The following ADAMTS20 variants were observed in gnomAD, a reference collection of about 807,000 sequenced individuals.
ADAMTS20 encodes ADAM metallopeptidase with thrombospondin type 1 motif 20.
ADAMTS20 carries 225 observed loss-of-function variants against 260.1 expected under a neutral mutation model. The ratio of observed to expected loss-of-function variants is 0.87; its 90% CI spans 0.78 to 0.97. ADAMTS20 has a LOEUF of 0.97. Among genes scored for constraint, ADAMTS20 ranks in the 50% least tolerant of loss-of-function variants. The pLI is 0.00. For missense variants in ADAMTS20, 2,400 were observed against 2,337.7 expected (o/e 1.03, Z -0.55); for synonymous variants, 802 against 769.5 (o/e 1.04, Z -0.70).
rs530559896 is a variant in ADAMTS20 at position 43,494,492 on chromosome 12, T to C, written c.868-1239A>G. 7.9e-5 allele frequency among the ~76,000 whole-genome samples: 12 copies of C among 152,302 alleles called. No individual in the cohort carries two copies. The South Asian group carries it at 2.1e-3, about 26-fold the overall frequency. ...ACTGTAGGGTCAGCATGAGCATAAA[T>C]ACATAATCCAGCATCTTTACTACTG... is the stretch of plus-strand genomic sequence containing the variant. On this transcript the variant is annotated intron_variant, in intron 4 of 38. Coordinates refer to ENST00000389420, the MANE Select transcript of ADAMTS20 (RefSeq NM_025003.5).
At position 43,542,824 on chromosome 12, in the gene ADAMTS20, C is replaced by T. The variant is rs540200255; in HGVS notation, c.453+8085G>A. Among the ~76,000 whole-genome samples the T allele has an allele frequency of 2.2e-4, 34 of 152,270 alleles. No homozygotes were observed. In the South Asian group the frequency reaches 4.8e-3, roughly 21 times the overall value. ...AAAACACTAGCCTGGACTGAAAAAG[C>T]CTTTGATGGAGTTCATTGTAAAATA... On this transcript the variant is annotated intron_variant, in intron 2 of 38. Coordinates refer to ENST00000389420, the MANE Select transcript of ADAMTS20 (RefSeq NM_025003.5).
At chr12:43,548,683 A>G (rs1943472950) in intron 2 of ADAMTS20, among the ~76,000 whole-genome samples, 2 of 152,180 alleles carry the variant, frequency 1.3e-5, no homozygotes, top group Admixed American at 6.5e-5. Flanking sequence ...TCTCATCAGT[A>G]ATTTAGACTT....
chr12:43,430,265 A>T, intron 23 of ADAMTS20, 87 bp downstream of exon 23: 1 of 1,446,036 alleles, frequency 6.9e-7, no homozygotes, highest in Non-Finnish European at 9.2e-7. Context: ...TTTAAGTGGA[A>T]AAAAATAAGT....
intron 2 of ADAMTS20, among the ~76,000 whole-genome samples, chr12:43,532,399 T>C (rs191697100): frequency 6.6e-6 from 1 of 152,102 alleles, no homozygotes; most frequent in East Asian, 1.9e-4. Flanking sequence ...GAAGACTGGA[T>C]AGTGTTCCAA....
In ADAMTS20 at chr12:43,439,880, G is replaced by A; in HGVS notation, c.2463+17C>T. The A allele has an allele frequency of 1.3e-6, 2 of 1,598,202 alleles. No homozygotes were observed. The highest frequency in any genetic ancestry group is 2.2e-5 in the East Asian group (1 of 44,638). On this transcript the variant is annotated intron_variant, in intron 17 of 38. Transcript: ENST00000389420. ...ATAATTAAATCCAAGTGTTATTACTGATGACTGAGAATTTACCTGCAAAAT... is the reference window on the plus strand; with the variant it reads ...ATAATTAAATCCAAGTGTTATTACTAATGACTGAGAATTTACCTGCAAAAT...
In ADAMTS20 at chr12:43,485,567, C is replaced by G. The variant is rs1047521550; in HGVS notation, c.1117+4828G>C. Among the ~76,000 whole-genome samples the G allele has an allele frequency of 1.5e-4, 23 of 152,036 alleles. 1 individual carries two copies. The highest frequency in any genetic ancestry group is 7.4e-5 in the Non-Finnish European group (5 of 67,962). ...TCAACATATTACTAGAAGTCTTAGC[C>G]AGAGCAATCAGGCAAGAGAAAGAAA... is the stretch of plus-strand genomic sequence containing the variant. On this transcript the variant is annotated intron_variant, in intron 7 of 38. Transcript: ENST00000389420.
intron 29 of ADAMTS20, among the ~76,000 whole-genome samples, chr12:43,398,434 C>G (rs886991202): frequency 2.6e-5 from 4 of 152,098 alleles, no homozygotes; most frequent in African/African-American, 4.8e-5. Context: ...TGAGTCTTTT[C>G]ATTTTTGGTG....
At chr12:43,379,459 G>A (rs1408382817) in intron 31 of ADAMTS20, among the ~76,000 whole-genome samples, 1 of 152,100 alleles carries the variant, frequency 6.6e-6, no homozygotes, top group African/African-American at 2.4e-5. Context: ...AGGAGGGCCT[G>A]CAGCCTCTCT....
At chr12:43,399,786 G>A (rs1311175162) in intron 28 of ADAMTS20, among the ~76,000 whole-genome samples, 1 of 151,958 alleles carries the variant, frequency 6.6e-6, no homozygotes. Context: ...TCTACCATCG[G>A]CCTTCTGATT....
intron 28 of ADAMTS20, among the ~76,000 whole-genome samples, chr12:43,408,396 T>C (rs922379040): frequency 6.6e-6 from 1 of 152,218 alleles, no homozygotes; most frequent in Non-Finnish European, 1.5e-5. Flanking sequence ...GGCATTACTA[T>C]GGTAACATTT....
intron 29 of ADAMTS20, among the ~76,000 whole-genome samples, chr12:43,390,822 G>T (rs1364579468): frequency 6.6e-6 from 1 of 152,112 alleles, no homozygotes; most frequent in Non-Finnish European, 1.5e-5. Context: ...GCTTTTACAA[G>T]AATAGCCCTT....
chr12:43,417,084 T>C (rs1941146982), intron 28 of ADAMTS20, among the ~76,000 whole-genome samples: 1 of 152,202 alleles, frequency 6.6e-6, no homozygotes, highest in Non-Finnish European at 1.5e-5. Flanking sequence ...GCCATTCTTA[T>C]TTATCTTGTT....
intron 4 of ADAMTS20, among the ~76,000 whole-genome samples, chr12:43,495,545 G>A (rs945797188): frequency 1.3e-5 from 2 of 152,196 alleles, no homozygotes; most frequent in Non-Finnish European, 1.5e-5. Flanking sequence ...GCTAGTTCTA[G>A]TACATGTGTT....
chr12:43,373,762 C>T (rs537557184), intron 36 of ADAMTS20, among the ~76,000 whole-genome samples: 349 of 142,878 alleles, frequency 2.4e-3, no homozygotes, highest in South Asian at 5.1e-3. Flanking sequence ...TCACTGCAAG[C>T]TCCGCCTCCT....
intron 11 of ADAMTS20, among the ~76,000 whole-genome samples, chr12:43,461,987 T>C (rs1942073185): frequency 6.6e-6 from 1 of 152,216 alleles, no homozygotes; most frequent in Non-Finnish European, 1.5e-5. Flanking sequence ...AATATATTAG[T>C]AACCAATTAA....
chr12:43,472,030 A>G (rs1942272832), intron 7 of ADAMTS20, among the ~76,000 whole-genome samples: 1 of 152,174 alleles, frequency 6.6e-6, no homozygotes, highest in African/African-American at 2.4e-5. Flanking sequence ...AGAAAATCAA[A>G]TTACTCTGAG....
chr12:43,488,665 G>A (rs1942558099), intron 7 of ADAMTS20, among the ~76,000 whole-genome samples: 1 of 152,160 alleles, frequency 6.6e-6, no homozygotes, highest in African/African-American at 2.4e-5. Context: ...AGCACATTGT[G>A]CTTGGCTTAT....
At chr12:43,358,789 A>G (rs1443154022) in intron 37 of ADAMTS20, among the ~76,000 whole-genome samples, 3 of 145,048 alleles carry the variant, frequency 2.1e-5, no homozygotes, top group Non-Finnish European at 4.5e-5. Context: ...GTGAGTCGAG[A>G]TCGCGCCACT....
chr12:43,370,664 T>C (rs1940087513), intron 36 of ADAMTS20, among the ~76,000 whole-genome samples: 1 of 152,226 alleles, frequency 6.6e-6, no homozygotes, highest in Non-Finnish European at 1.5e-5. Context: ...TTGGATGACC[T>C]ACAGATATCT....
Sources: allele counts gnomAD v4.1 joint callset (sites outside exome capture counted in the v4.1 genomes callset), GRCh38; gene constraint gnomAD v4.1.1; transcripts MANE v1.5; gene names NCBI Gene and HGNC (gene_info 2026-07-23, HGNC 2026-07-21).